The following MPP7 variants were observed in gnomAD, a reference collection of about 807,000 sequenced individuals.
MPP7 encodes the protein MAGUK p55 scaffold protein 7, also known as MAGUK p55 subfamily member 7.
In MPP7, 60 loss-of-function variants were observed where a neutral mutation model predicts 76.5. The observed-to-expected ratio is 0.78, with a 90% CI of 0.64 to 0.97. The LOEUF (loss-of-function observed/expected upper bound fraction) is 0.97, where lower values mean the gene tolerates loss of function less well. Among genes scored for constraint, MPP7 ranks in the 50% least tolerant of loss-of-function variants. The pLI is 0.00. For synonymous variants in MPP7, 237 were observed against 244.5 expected (o/e 0.97, Z 0.29); for missense variants, 641 against 694.0 (o/e 0.92, Z 0.86).
chr10:28,262,208 CATATATATATAT>C (rs56940942), intron 1 of MPP7, among the ~76,000 whole-genome samples: 1 of 60,110 alleles, frequency 1.7e-5, no homozygotes, highest in East Asian at 8.0e-4. Flanking sequence ...TATATATATA[CATATATATATAT>C]ATATACATAT....
chr10:28,258,432 C>T (rs1035855513), intron 1 of MPP7, among the ~76,000 whole-genome samples: 12 of 148,462 alleles, frequency 8.1e-5, no homozygotes, highest in Non-Finnish European at 1.6e-4. Context: ...CAGAGTCTCA[C>T]TCTGTCACCC....
chr10:28,198,583 T>TAAAAAAA (rs34071650), intron 3 of MPP7, among the ~76,000 whole-genome samples: 1 of 145,276 alleles, frequency 6.9e-6, no homozygotes. Flanking sequence ...TCAGAGAATT[T>TAAAAAAA]AAAAAAAAAA....
intron 11 of MPP7, among the ~76,000 whole-genome samples, chr10:28,114,679 C>T (rs566591816): frequency 6.6e-6 from 1 of 152,156 alleles, no homozygotes; most frequent in East Asian, 1.9e-4. Flanking sequence ...TTCCCCACCC[C>T]CTACCGCAAT....
intron 1 of MPP7, among the ~76,000 whole-genome samples, chr10:28,263,791 T>C (rs1375949407): frequency 2.6e-5 from 4 of 152,032 alleles, no homozygotes; most frequent in Non-Finnish European, 5.9e-5. Context: ...GGAACCTTAG[T>C]GGTGATGCAG....
At chr10:28,329,056 C>T (rs1447579820) in intron 2 of MPP7, among the ~76,000 whole-genome samples, 1 of 152,188 alleles carries the variant, frequency 6.6e-6, no homozygotes, top group African/African-American at 2.4e-5. Context: ...CTTCTTGAAC[C>T]TCTTAATGAC....
At chr10:28,264,649 A>G (rs891872309) in intron 1 of MPP7, among the ~76,000 whole-genome samples, 1 of 152,086 alleles carries the variant, frequency 6.6e-6, no homozygotes, top group African/African-American at 2.4e-5. Flanking sequence ...GAAGAGCCCA[A>G]GCATTAATTT....
chr10:28,256,325 G>C (rs199656741), intron 1 of MPP7, among the ~76,000 whole-genome samples: 1 of 135,544 alleles, frequency 7.4e-6, no homozygotes, highest in African/African-American at 2.9e-5. Context: ...GTTGCTTTCA[G>C]GGAAAAAAAA....
intron 2 of MPP7, among the ~76,000 whole-genome samples, chr10:28,322,913 G>A (rs1299205449): frequency 6.6e-6 from 1 of 152,086 alleles, no homozygotes; most frequent in South Asian, 2.1e-4. Flanking sequence ...TAACACTCTG[G>A]GAGGTCGAGA....
rs140989241 is a variant in MPP7 at position 28,313,250 on chromosome 10, A to G, written c.-132+16679T>C. 1.9e-3 allele frequency among the ~76,000 whole-genome samples: 290 copies of G among 152,330 alleles called. 1 individual carries two copies. The highest frequency in any genetic ancestry group is 6.7e-3 in the African/African-American group (279 of 41,566). On this transcript the variant is annotated intron_variant, in intron 2 of 11. Coordinates refer to the MPP7 transcript ENST00000441595. Reference sequence around the variant, plus strand: ...GCTGGGTCTGATGGCTTATGCCTGTAATCCCAGCACTTTGGGAGGCCGAGG... The same window carrying G: ...GCTGGGTCTGATGGCTTATGCCTGTGATCCCAGCACTTTGGGAGGCCGAGG...
intron 1 of MPP7, among the ~76,000 whole-genome samples, chr10:28,299,353 C>T (rs1240938563): frequency 6.6e-6 from 1 of 152,034 alleles, no homozygotes; most frequent in African/African-American, 2.4e-5. Context: ...AATAGGGAGG[C>T]CTGGGGAGAG....
chr10:28,072,782 C>G (rs1194557962), intron 12 of MPP7, among the ~76,000 whole-genome samples: 3 of 152,222 alleles, frequency 2.0e-5, no homozygotes, highest in Non-Finnish European at 4.4e-5. Context: ...CCAAATTCCC[C>G]AGTATGGTAT....
chr10:28,319,088 G>T (rs1315588872), intron 2 of MPP7, among the ~76,000 whole-genome samples: 2 of 152,198 alleles, frequency 1.3e-5, no homozygotes, highest in African/African-American at 4.8e-5. Context: ...TATACAGGAG[G>T]CATGGCTGAG....
chr10:28,158,105 G>A (rs1406959026), intron 3 of MPP7, among the ~76,000 whole-genome samples: 2 of 152,084 alleles, frequency 1.3e-5, no homozygotes, highest in Admixed American at 6.5e-5. Flanking sequence ...TGCACAGTTG[G>A]TAACACCCTG....
chr10:28,070,457 C>G (rs1264182252), intron 12 of MPP7, among the ~76,000 whole-genome samples: 3 of 152,158 alleles, frequency 2.0e-5, no homozygotes, highest in Non-Finnish European at 4.4e-5. Context: ...AAAAACATGT[C>G]TACCTAAGAA....
intron 3 of MPP7, among the ~76,000 whole-genome samples, chr10:28,194,442 G>T (rs1046732529): frequency 6.6e-6 from 1 of 152,218 alleles, no homozygotes; most frequent in African/African-American, 2.4e-5. Flanking sequence ...AAGTTTACCT[G>T]TAACTGCTCA....
intron 6 of MPP7, among the ~76,000 whole-genome samples, chr10:28,128,411 T>C (rs1436044650): frequency 6.6e-6 from 1 of 152,168 alleles, no homozygotes; most frequent in Admixed American, 6.5e-5. Flanking sequence ...ATGTTTCAGA[T>C]TTTGGCACAT....
At chr10:28,211,836 G>A (rs1838148454) in intron 2 of MPP7, among the ~76,000 whole-genome samples, 1 of 152,160 alleles carries the variant, frequency 6.6e-6, no homozygotes, top group East Asian at 1.9e-4. Context: ...GGATATGGGA[G>A]CCCAGATCAC....
At chr10:28,185,010 T>C (rs1459354531) in intron 3 of MPP7, among the ~76,000 whole-genome samples, 1 of 147,670 alleles carries the variant, frequency 6.8e-6, no homozygotes, top group South Asian at 2.1e-4. Flanking sequence ...GTAATTATTA[T>C]ATCATATATA....
intron 2 of MPP7, among the ~76,000 whole-genome samples, chr10:28,318,722 T>C (rs75616407): frequency 0.08 from 12,122 of 152,132 alleles, 1,038 homozygotes; most frequent in East Asian, 0.44. Context: ...AGGATTATTC[T>C]TGTGAAAGTA....
Sources: allele counts gnomAD v4.1 joint callset (sites outside exome capture counted in the v4.1 genomes callset), GRCh38; gene constraint gnomAD v4.1.1; transcripts MANE v1.5; gene names NCBI Gene and HGNC (gene_info 2026-07-23, HGNC 2026-07-21).